ZNF248: variants seen among roughly 807,000 people sequenced by gnomAD.
ZNF248 encodes the protein KRAB protein domain.
A neutral mutation model predicts 44.3 loss-of-function variants in ZNF248; 20 were observed. The observed-to-expected ratio is 0.45, with a 90% confidence interval of 0.32 to 0.66. The LOEUF is 0.66. ZNF248 is among the 30% of genes least tolerant of loss of function. The pLI, the probability that ZNF248 is intolerant of heterozygous loss-of-function variation, is 0.04. For missense variants in ZNF248, 654 were observed against 677.0 expected (o/e 0.97, Z 0.38); for synonymous variants, 224 against 229.0 (o/e 0.98, Z 0.20).
chr10:37,768,417 CT>C, the ZNF248 span, among the ~76,000 whole-genome samples: 28,313 of 152,098 alleles, frequency 0.19, 2,853 homozygotes, highest in East Asian at 0.4. Flanking sequence ...TTATAACAAA[CT>C]GTCTCTCAGA....
rs2057487340 is a variant in ZNF248, at chr10:37,837,622, T to C, written c.233A>G (p.His78Arg). The C allele has an allele frequency of 1.2e-6, 2 of 1,613,800 alleles. No individual in the cohort carries two copies. The highest frequency in any genetic ancestry group is 1.7e-6 in the Non-Finnish European group (2 of 1,179,808). The change falls in exon 5 of 6, where the codon CAC (histidine) becomes CGC (arginine). Residue 78 changes from histidine to arginine, a missense_variant. Coordinates refer to ENST00000395867, the MANE Select transcript of ZNF248 (RefSeq NM_021045.3). ...GCCAGAAATCACTAACTCACCTGGG[T>C]GGCACTGGCTTGGGAATCCTTTTTC... ...ILEKGFPSQC[H>R]PERKWKVDDV...
At position 37,800,932 on chromosome 10, in the gene ZNF248, T is replaced by C. The variant is rs2049738311; in HGVS notation, c.331-24357A>G. On this transcript the variant is annotated intron_variant, in intron 6 of 6. Coordinates refer to the ZNF248 transcript ENST00000615949. The stretch of plus-strand genomic sequence containing the variant: ...ATCTGCCACTACACCCAGCTAATTT[T>C]TGTATTTTTAGTAGAGATGGGGTTT... 2.0e-5 allele frequency among the ~76,000 whole-genome samples: 3 copies of C among 151,950 alleles called. No homozygotes were observed. In the South Asian group the frequency reaches 6.2e-4, roughly 32 times the overall value.
intron 6 of ZNF248, chr10:37,794,671 C>T: frequency 6.2e-6 from 1 of 162,480 alleles, no homozygotes; most frequent in Non-Finnish European, 1.4e-5. Context: ...ATAGTTTCTC[C>T]TGTGTGTGTT....
chr10:37,799,149 C>T (rs887059238), intron 6 of ZNF248, among the ~76,000 whole-genome samples: 2 of 151,576 alleles, frequency 1.3e-5, no homozygotes, highest in Non-Finnish European at 2.9e-5. Flanking sequence ...AATATAATAA[C>T]TGATAAAAAC....
downstream of ZNF248, among the ~76,000 whole-genome samples, chr10:37,824,673 A>ATTT (rs755411927): frequency 2.3e-4 from 18 of 79,726 alleles, 4 homozygotes; most frequent in South Asian, 4.9e-4. Context: ...ATTATTTTAA[A>ATTT]TTTTTTTTTT....
the ZNF248 span, among the ~76,000 whole-genome samples, chr10:37,760,081 A>G: frequency 6.6e-6 from 1 of 152,206 alleles, no homozygotes; most frequent in Non-Finnish European, 1.5e-5. Flanking sequence ...AAAGCAAGGA[A>G]AAGTTTTTAC....
At chr10:37,824,023 T>C (rs2053942972), downstream of ZNF248, among the ~76,000 whole-genome samples, 2 of 152,072 alleles carry the variant, frequency 1.3e-5, no homozygotes, top group Non-Finnish European at 2.9e-5. Context: ...GATGTATATA[T>C]AGAAAGAGCT....
At position 37,842,375 on chromosome 10, in the gene ZNF248, G is replaced by A. The variant is rs553300343; in HGVS notation, c.16-4264C>T. Among the ~76,000 whole-genome samples, 34 of 152,240 alleles carry A rather than the reference G, an allele frequency of 2.2e-4. No homozygotes were observed. In the East Asian group the frequency reaches 5.2e-3, roughly 23 times the overall value. On this transcript the variant is annotated intron_variant, in intron 3 of 5. Coordinates refer to ENST00000395867, the MANE Select transcript of ZNF248 (RefSeq NM_021045.3). ...ATTCTGAAAAGGTCAAAGGCTGACCGCAACCAAGTAGATGCCAAATCAGAA... is the reference window on the plus strand; with the variant it reads ...ATTCTGAAAAGGTCAAAGGCTGACCACAACCAAGTAGATGCCAAATCAGAA...
chr10:37,767,773 C>A, the ZNF248 span, among the ~76,000 whole-genome samples: 1 of 152,124 alleles, frequency 6.6e-6, no homozygotes, highest in South Asian at 2.1e-4. Context: ...TCATAAATAA[C>A]AATGTTAACT....
intron 6 of ZNF248, among the ~76,000 whole-genome samples, chr10:37,810,147 T>G (rs1006770297): frequency 5.3e-5 from 8 of 152,164 alleles, no homozygotes; most frequent in African/African-American, 1.9e-4. Flanking sequence ...ACCTTAACCT[T>G]GATTGAACTG....
chr10:37,790,979 C>A (rs993965531), intron 6 of ZNF248, among the ~76,000 whole-genome samples: 1 of 142,912 alleles, frequency 7.0e-6, no homozygotes, highest in Non-Finnish European at 1.5e-5. Context: ...TGACAACAGT[C>A]AAGTTCCCAC....
At chr10:37,801,124 C>T (rs1427479373) in intron 6 of ZNF248, among the ~76,000 whole-genome samples, 1 of 151,858 alleles carries the variant, frequency 6.6e-6, no homozygotes, top group Non-Finnish European at 1.5e-5. Context: ...CGCCTATAAT[C>T]CCAGCACCTT....
downstream of ZNF248, among the ~76,000 whole-genome samples, chr10:37,826,869 A>G (rs1384599342): frequency 6.6e-6 from 1 of 152,246 alleles, no homozygotes; most frequent in African/African-American, 2.4e-5. Context: ...TCAAATGCCC[A>G]TAAAACTCCA....
At chr10:37,847,552 T>C (rs1818820886) in intron 3 of ZNF248, among the ~76,000 whole-genome samples, 1 of 152,190 alleles carries the variant, frequency 6.6e-6, no homozygotes, top group Non-Finnish European at 1.5e-5. Flanking sequence ...GGGTAACTTA[T>C]TTTCAAACAT....
chr10:37,843,544 G>T (rs1484512844), intron 3 of ZNF248, among the ~76,000 whole-genome samples: 1 of 152,004 alleles, frequency 6.6e-6, no homozygotes, highest in African/African-American at 2.4e-5. Flanking sequence ...AACGTAGAAG[G>T]TATTCAAAGA....
intron 3 of ZNF248, among the ~76,000 whole-genome samples, chr10:37,853,020 C>CCA (rs1340700627): frequency 6.6e-6 from 1 of 152,026 alleles, no homozygotes; most frequent in Non-Finnish European, 1.5e-5. Context: ...CGCCACCAAA[C>CCA]CCAGCTAACT....
chr10:37,832,050 G>A lies in ZNF248; in HGVS notation c.1305C>T (p.Pro435=). ...TTTTTCCACATTGCTTACATTCATAGGGTTTTTCTCCTGTATGTGTTCGCT... is the reference window on the plus strand; with the variant it reads ...TTTTTCCACATTGCTTACATTCATAAGGTTTTTCTCCTGTATGTGTTCGCT... ...NHQRTHTGEK[P]YECKQCGKTF... is the part of the protein sequence containing the mutation. The change falls in exon 6 of 6, where the codon CCC becomes CCT. Residue 435 remains proline, a synonymous_variant. Coordinates refer to ENST00000395867, the MANE Select transcript of ZNF248 (RefSeq NM_021045.3). 6.2e-7 allele frequency: 1 copy of A among 1,613,916 alleles called. No individual in the cohort carries two copies. Among genetic ancestry groups the A allele is most frequent in the Non-Finnish European group, 8.5e-7 (1 of 1,179,914 alleles).
chr10:37,777,855 G>C (rs574274897), intron 6 of ZNF248, among the ~76,000 whole-genome samples: 17 of 152,102 alleles, frequency 1.1e-4, no homozygotes, highest in African/African-American at 4.1e-4. Context: ...TCCCTACAAA[G>C]GACATGAACT....
chr10:37,786,599 A>G (rs1396600688), intron 6 of ZNF248, among the ~76,000 whole-genome samples: 1 of 152,246 alleles, frequency 6.6e-6, no homozygotes, highest in East Asian at 1.9e-4. Context: ...ATGTTTATAC[A>G]TGAATCATTC....
Sources: gnomAD v4.1 joint callset for allele counts (sites outside exome capture counted in the v4.1 genomes callset) on GRCh38, gnomAD v4.1.1 for gene constraint, MANE v1.5 for transcripts, NCBI Gene and HGNC (gene_info 2026-07-23, HGNC 2026-07-21) for gene names.